EIF3A: variants seen among roughly 807,000 people sequenced by gnomAD.
EIF3A encodes EIF3, p180 subunit.
Under a neutral mutation model 186.6 loss-of-function variants are expected in EIF3A, and 21 were observed. The ratio of observed to expected loss-of-function variants is 0.11; its 90% confidence interval spans 0.08 to 0.16. The LOEUF is 0.16. EIF3A is among the 10% of genes least tolerant of loss of function. The pLI is 1.00. For synonymous variants in EIF3A, 563 were observed against 584.3 expected (o/e 0.96, Z 0.52); for missense variants, 1,306 against 1,796.3 (o/e 0.73, Z 4.93).
At chr10:119,063,481 A>C (rs1247340343) in intron 7 of EIF3A, among the ~76,000 whole-genome samples, 12 of 152,222 alleles carry the variant, frequency 7.9e-5, no homozygotes, top group Non-Finnish European at 1.3e-4. Flanking sequence ...CATTTCAAAA[A>C]TATCTGAGAG....
Position 119,065,925 on chromosome 10 carries a change from G to C in EIF3A, c.951-355C>G, listed in dbSNP as rs947267478. On this transcript the variant is annotated intron_variant, in intron 6 of 21. Transcript: ENST00000369144. Reference sequence around the variant, plus strand: ...ACGTCAAGAGATCGAGACCATCCTGGCTAACACGGTGAAACCCCATCTCTA... The same window carrying C: ...ACGTCAAGAGATCGAGACCATCCTGCCTAACACGGTGAAACCCCATCTCTA... Among the ~76,000 whole-genome samples, 6 of 151,368 alleles carry C rather than the reference G, an allele frequency of 4.0e-5. No homozygotes were observed. The East Asian group carries it at 9.9e-4, about 25-fold the overall frequency.
At chr10:119,071,737 A>G (rs1332536942) in intron 4 of EIF3A, among the ~76,000 whole-genome samples, 2 of 152,202 alleles carry the variant, frequency 1.3e-5, no homozygotes, top group Non-Finnish European at 2.9e-5. Context: ...TATGAAAGTG[A>G]AAATTCAGCT....
At chr10:119,038,112 T>C in intron 20 of EIF3A, 126 bp downstream of exon 20, 1 of 795,984 alleles carries the variant, frequency 1.3e-6, no homozygotes, top group South Asian at 1.5e-5. Context: ...AGATGGGGTT[T>C]CACTATGTTG....
intron 6 of EIF3A, among the ~76,000 whole-genome samples, chr10:119,067,216 C>CAA (rs36002945): frequency 2.3e-5 from 3 of 128,738 alleles, no homozygotes; most frequent in African/African-American, 8.4e-5. Context: ...AATTCTGTCT[C>CAA]AAAAAAAAAA....
chr10:119,056,708 C>T (rs1228919719), intron 14 of EIF3A, 32 bp downstream of exon 14: 1 of 1,364,120 alleles, frequency 7.3e-7, no homozygotes, highest in South Asian at 1.2e-5. Context: ...TTATTACAAT[C>T]TAAAAATATT....
At chr10:119,054,379 C>T (rs1266274917) in intron 14 of EIF3A, among the ~76,000 whole-genome samples, 1 of 152,084 alleles carries the variant, frequency 6.6e-6, no homozygotes, top group African/African-American at 2.4e-5. Context: ...GTTTCACTTT[C>T]TCACTGTTTA....
At chr10:119,052,550 T>G (rs1848373816) in intron 14 of EIF3A, among the ~76,000 whole-genome samples, 1 of 151,902 alleles carries the variant, frequency 6.6e-6, no homozygotes, top group Non-Finnish European at 1.5e-5. Context: ...AATTTTCCTG[T>G]TTTTTTGTAG....
Position 119,059,355 on chromosome 10 carries a change from C to T in EIF3A, c.1486G>A (p.Asp496Asn). 1 of 1,607,776 alleles carries T rather than the reference C, an allele frequency of 6.2e-7. No homozygotes were observed. The highest frequency in any genetic ancestry group is 1.3e-5 in the African/African-American group (1 of 74,674). ...TCTTCTCGAGTAGCATAATTCAAAT[C>T]AGATCCAAAACTCAGGGTCCGAGAA... ...HTSRTLSFGS[D>N]LNYATREDAP... Residue 496 changes from aspartate to asparagine, a missense_variant, in exon 11 of 22, where the codon GAT (aspartate) becomes AAT (asparagine). Asp to Asn is a conservative substitution (Grantham distance 23). Around this residue, in one of 8 missense-constraint regions of EIF3A, gnomAD observed 267 missense variants for 367.8 expected, o/e 0.73. Coordinates refer to ENST00000369144, the MANE Select transcript of EIF3A (RefSeq NM_003750.4).
At position 119,042,261 on chromosome 10, in the gene EIF3A, G is replaced by A. The variant is rs935515675; in HGVS notation, c.3259C>T (p.Arg1087Trp). The change falls in exon 19 of 22, where the codon CGG becomes TGG. Residue 1087 changes from arginine to tryptophan, a missense_variant. Coordinates refer to ENST00000369144, the MANE Select transcript of EIF3A (RefSeq NM_003750.4). The surrounding 1 kb of genome is among the most constrained non-coding windows in gnomAD (Gnocchi z 7.8). ...RGPRRGMDDD[R>W]GPRRGMDDDR... is the part of the protein sequence containing the mutation. Reference sequence around the variant, plus strand: ...TCATCCATGCCTCGCCTGGGACCCCGGTCATCATCCATGCCTCGCCTGGGA... The same window carrying A: ...TCATCCATGCCTCGCCTGGGACCCCAGTCATCATCCATGCCTCGCCTGGGA... 3.1e-6 allele frequency: 5 copies of A among 1,611,106 alleles called. No homozygotes were observed. The highest frequency in any genetic ancestry group is 4.5e-5 in the East Asian group (2 of 44,692).
rs1183597484 is a variant in EIF3A, at chr10:119,080,806, G to A, written c.-130C>T. Reference sequence around the variant, plus strand: ...GCAGTCGCCCGCGCCCAGCCGGCCAGAGACGGAAAGGAAGGAGCCACGTGA... The same window carrying A: ...GCAGTCGCCCGCGCCCAGCCGGCCAAAGACGGAAAGGAAGGAGCCACGTGA... On this transcript the variant is annotated 5_prime_UTR_variant, in exon 1 of 22. Coordinates refer to ENST00000369144, the MANE Select transcript of EIF3A (RefSeq NM_003750.4). The A allele has an allele frequency of 9.1e-6, 13 of 1,424,720 alleles. No homozygotes were observed. The highest frequency in any genetic ancestry group is 4.5e-5 in the African/African-American group (3 of 66,602). The allele number at this position is 1,424,720 out of a possible 1,614,324, so 88.3% of individuals were successfully genotyped here.
At position 119,072,875 on chromosome 10, in the gene EIF3A, A is replaced by T. The variant is rs1844101518; in HGVS notation, c.541+15T>A. 1.9e-6 allele frequency: 3 copies of T among 1,596,176 alleles called. No homozygotes were observed. Among genetic ancestry groups the T allele is most frequent in the Non-Finnish European group, 2.6e-6 (3 of 1,174,688 alleles). On this transcript the variant is annotated intron_variant, in intron 4 of 21. Coordinates refer to ENST00000369144, the MANE Select transcript of EIF3A (RefSeq NM_003750.4). ...TTTCAAAGCACTTCACTCAGATTTG[A>T]TCTTCTCATCTTACCTTGCTGGGCA...
intron 3 of EIF3A, 140 bp downstream of exon 3, chr10:119,073,301 A>C: frequency 1.4e-6 from 1 of 717,300 alleles, no homozygotes; most frequent in Non-Finnish European, 2.3e-6. Context: ...ACATAAATTA[A>C]CTGGTTACTA....
At chr10:119,051,040 T>C (rs1375166058) in intron 15 of EIF3A, among the ~76,000 whole-genome samples, 159 bp downstream of exon 15, 1 of 152,214 alleles carries the variant, frequency 6.6e-6, no homozygotes, top group African/African-American at 2.4e-5. Context: ...ATTTTGATGA[T>C]TGTTTTGCTT....
intron 1 of EIF3A, among the ~76,000 whole-genome samples, chr10:119,074,623 T>A (rs1375954719): frequency 6.6e-6 from 1 of 151,854 alleles, no homozygotes. Context: ...AAATTCTTTT[T>A]TTTTTTAAAT....
At chr10:119,072,024 CAAAAAAA>C (rs56100757) in intron 4 of EIF3A, among the ~76,000 whole-genome samples, 19 of 59,472 alleles carry the variant, frequency 3.2e-4, no homozygotes, top group African/African-American at 7.2e-4. Context: ...GACTCTGTCT[CAAAAAAA>C]AAAAAAAAAA....
rs764433855 is a variant in EIF3A, at chr10:119,059,737, G to T, written c.1327-19C>A. 1 of 1,505,822 alleles carries T rather than the reference G, an allele frequency of 6.6e-7. No homozygotes were observed. Among genetic ancestry groups the T allele is most frequent in the Non-Finnish European group, 9.2e-7 (1 of 1,081,644 alleles). The allele number at this position is 1,505,822 out of a possible 1,614,324, so 93.3% of individuals were successfully genotyped here. A position where few individuals can be genotyped will look rare whatever the true frequency, so the allele number is the denominator to read the frequency against. On this transcript the variant is annotated intron_variant, in intron 9 of 21. Coordinates refer to ENST00000369144, the MANE Select transcript of EIF3A (RefSeq NM_003750.4). ...GTGACACCTGCATAGAAAACAAAGGGTTAATAACACTAGCCACTGTTTATT... is the reference window on the plus strand; with the variant it reads ...GTGACACCTGCATAGAAAACAAAGGTTTAATAACACTAGCCACTGTTTATT...
intron 7 of EIF3A, among the ~76,000 whole-genome samples, chr10:119,064,455 C>T (rs989760694): frequency 6.6e-6 from 1 of 152,056 alleles, no homozygotes; most frequent in Admixed American, 6.5e-5. Flanking sequence ...GCACCATCCC[C>T]GTAGGCCCAT....
At chr10:119,060,443 T>C (rs560726367) in intron 9 of EIF3A, among the ~76,000 whole-genome samples, 1 of 152,068 alleles carries the variant, frequency 6.6e-6, no homozygotes, top group Non-Finnish European at 1.5e-5. Context: ...AATCTAGGAA[T>C]ACAGGTTTTC....
At chr10:119,050,484 G>C in intron 16 of EIF3A, 37 bp downstream of exon 16, 1 of 1,592,482 alleles carries the variant, frequency 6.3e-7, no homozygotes, top group South Asian at 1.1e-5. Context: ...CACCAACCTT[G>C]CATTAGCACC....
Sources: gnomAD v4.1 joint callset for allele counts (sites outside exome capture counted in the v4.1 genomes callset) on GRCh38, gnomAD v4.1.1 for gene constraint, gnomAD v4.1.1 regional missense constraint, Gnocchi (gnomAD v3.1) non-coding constraint, MANE v1.5 for transcripts, NCBI Gene and HGNC (gene_info 2026-07-23, HGNC 2026-07-21) for gene names.